The following PAQR5 variants were observed in gnomAD, a reference collection of about 807,000 sequenced individuals.
PAQR5 encodes the protein membrane progestin receptor gamma.
In PAQR5, 20 loss-of-function variants were observed where a neutral mutation model predicts 34.5. The ratio of observed to expected loss-of-function variants is 0.58; its 90% confidence interval spans 0.41 to 0.84. The LOEUF is 0.84. Among genes scored for constraint, PAQR5 ranks in the 40% least tolerant of loss-of-function variants. The pLI is 0.00. For synonymous variants in PAQR5, 131 were observed against 155.6 expected, an observed-to-expected ratio of 0.84 and a Z score of 1.18; for missense variants, 378 against 412.7, an observed-to-expected ratio of 0.92 and a Z score of 0.73.
At chr15:69,344,423 G>A (rs1171715101) in intron 2 of PAQR5, among the ~76,000 whole-genome samples, 1 of 152,112 alleles carries the variant, frequency 6.6e-6, no homozygotes, top group African/African-American at 2.4e-5. Flanking sequence ...CAAGCCCCCT[G>A]GTGTTGATTA....
chr15:69,378,290 A>AAAC (rs2055770033), intron 3 of PAQR5, among the ~76,000 whole-genome samples: 2 of 148,032 alleles, frequency 1.4e-5, no homozygotes, highest in African/African-American at 5.0e-5. Context: ...AAAAAAAAAA[A>AAAC]TTAGCTGACC....
rs1214504825 is a variant in PAQR5, at chr15:69,385,359, A to G, written c.385+477A>G. Among the ~76,000 whole-genome samples, 1 of 152,240 alleles carries G rather than the reference A, an allele frequency of 6.6e-6. No individual in the cohort carries two copies. The highest frequency in any genetic ancestry group is 1.5e-5 in the Non-Finnish European group (1 of 68,048). On this transcript the variant is annotated intron_variant, in intron 5 of 8. Transcript: ENST00000395407. The surrounding 1 kb of genome is among the most constrained non-coding windows in gnomAD (Gnocchi z 4.7). Reference sequence around the variant, plus strand: ...TCAGCACTCAGCTCTCTCACAGGCCAGAATGAACTGACTCCAGTACATCAG... The same window carrying G: ...TCAGCACTCAGCTCTCTCACAGGCCGGAATGAACTGACTCCAGTACATCAG...
rs577288690 is a variant in PAQR5, at chr15:69,309,932, C to T, written c.-277+10876C>T. On this transcript the variant is annotated intron_variant, in intron 1 of 8. Coordinates refer to ENST00000395407, the MANE Select transcript of PAQR5 (RefSeq NM_017705.4). ...GCATGATGGTAGGTGCCTGTAATCT[C>T]AGCTACTTGGGAGGCTGAGGTGGGA... Among the ~76,000 whole-genome samples the T allele has an allele frequency of 2.6e-3, 397 of 152,156 alleles. 2 individuals carry two copies. The highest frequency in any genetic ancestry group is 9.2e-3 in the African/African-American group (382 of 41,512).
intron 6 of PAQR5, among the ~76,000 whole-genome samples, chr15:69,395,033 C>T (rs2056377853): frequency 6.6e-6 from 1 of 152,216 alleles, no homozygotes; most frequent in Non-Finnish European, 1.5e-5. Flanking sequence ...GGATGGCCTT[C>T]GCCAGCCACA....
intron 2 of PAQR5, among the ~76,000 whole-genome samples, chr15:69,354,495 C>G (rs995396655): frequency 3.9e-5 from 6 of 152,156 alleles, no homozygotes; most frequent in Admixed American, 3.3e-4. Context: ...TACCCAAGAA[C>G]TTTACCTCCT....
intron 1 of PAQR5, among the ~76,000 whole-genome samples, chr15:69,334,739 A>C (rs1275718219): frequency 1.3e-5 from 2 of 152,046 alleles, no homozygotes; most frequent in Admixed American, 1.3e-4. Flanking sequence ...TTGGTAAAAG[A>C]TGATCAGAAG....
At chr15:69,382,801 CATATATATATATATATATATATAT>C (rs1220190050) in intron 4 of PAQR5, 3 of 4,170 alleles carry the variant, frequency 7.2e-4, no homozygotes, top group African/African-American at 2.8e-3. Flanking sequence ...TATATATGAC[CATATATATATATATATATATATAT>C]ATATATATAT....
chr15:69,375,341 G>T (rs1040289221), intron 3 of PAQR5, among the ~76,000 whole-genome samples: 5 of 152,112 alleles, frequency 3.3e-5, no homozygotes, highest in African/African-American at 1.2e-4. Context: ...CAGGCAGATT[G>T]GATTAGGACC....
In PAQR5 at chr15:69,397,037, C is replaced by G. The variant is rs2056456419; in HGVS notation, c.513-431C>G. 3.5e-5 allele frequency: 13 copies of G among 376,562 alleles called. 1 individual carries two copies. Among genetic ancestry groups the G allele is most frequent in the South Asian group, 2.6e-4 (13 of 49,752 alleles). 23.3% of individuals were successfully genotyped at this position (376,562 alleles called of 1,614,324 possible). On this transcript the variant is annotated intron_variant, in intron 6 of 8. Transcript: ENST00000395407. ...CTGCATGATAATACCTGGGCTCCAA[C>G]TAGATGGGTGCATCTCAGCCTCTGC...
intron 1 of PAQR5, among the ~76,000 whole-genome samples, chr15:69,316,824 T>G (rs367695714): frequency 3.9e-5 from 6 of 152,194 alleles, no homozygotes; most frequent in South Asian, 4.1e-4. Flanking sequence ...AGGGGTTTAT[T>G]TATTTATTTA....
At chr15:69,309,050 G>C (rs2053776575) in intron 1 of PAQR5, among the ~76,000 whole-genome samples, 1 of 152,174 alleles carries the variant, frequency 6.6e-6, no homozygotes, top group African/African-American at 2.4e-5. Flanking sequence ...AGATACCTGG[G>C]AGACAGCAGG....
intron 1 of PAQR5, among the ~76,000 whole-genome samples, chr15:69,299,838 T>G (rs1318497426): frequency 2.0e-5 from 3 of 152,194 alleles, no homozygotes; most frequent in African/African-American, 7.2e-5. Context: ...AACTGCCCCT[T>G]CCCACGCAGA....
At chr15:69,311,140 G>A (rs2053826411) in intron 1 of PAQR5, among the ~76,000 whole-genome samples, 1 of 151,224 alleles carries the variant, frequency 6.6e-6, no homozygotes, top group Non-Finnish European at 1.5e-5. Flanking sequence ...GAAGCATTTA[G>A]GTGAGTTCCA....
At chr15:69,396,357 C>T (rs574859706) in intron 6 of PAQR5, among the ~76,000 whole-genome samples, 2 of 151,926 alleles carry the variant, frequency 1.3e-5, no homozygotes, top group African/African-American at 4.8e-5. Flanking sequence ...AGGACACAGA[C>T]CCCATCCCTC....
intron 6 of PAQR5, chr15:69,391,914 G>T: frequency 2.6e-6 from 1 of 388,384 alleles, no homozygotes; most frequent in Non-Finnish European, 5.1e-6. Flanking sequence ...AAAGTTAGCT[G>T]GGTGTGGTGG....
chr15:69,302,206 G>C (rs2140508198), intron 1 of PAQR5, among the ~76,000 whole-genome samples: 1 of 152,124 alleles, frequency 6.6e-6, no homozygotes, highest in East Asian at 1.9e-4. Flanking sequence ...CTTAGTAGCT[G>C]GGACTATAGG....
At chr15:69,397,079 G>A in intron 6 of PAQR5, 1 of 430,768 alleles carries the variant, frequency 2.3e-6, no homozygotes, top group Non-Finnish European at 4.7e-6. Flanking sequence ...TGCCCCCCAA[G>A]AGTCTGTGGC....
At chr15:69,344,408 A>G (rs920021026) in intron 2 of PAQR5, among the ~76,000 whole-genome samples, 2 of 152,210 alleles carry the variant, frequency 1.3e-5, no homozygotes, top group African/African-American at 4.8e-5. Context: ...CACTCTGCTA[A>G]TTAGCAAGCC....
intron 3 of PAQR5, 63 bp from the exon 4 acceptor site, chr15:69,379,820 C>A: frequency 6.4e-7 from 1 of 1,574,284 alleles, no homozygotes; most frequent in Non-Finnish European, 8.6e-7. Flanking sequence ...GAAGATGTTT[C>A]TCCAGAGACC....
Sources: allele counts gnomAD v4.1 joint callset (sites outside exome capture counted in the v4.1 genomes callset), GRCh38; gene constraint gnomAD v4.1.1; non-coding constraint Gnocchi (gnomAD v3.1); transcripts MANE v1.5; gene names NCBI Gene and HGNC (gene_info 2026-07-23, HGNC 2026-07-21).